Variants in R3HDM2 observed in about 807,000 individuals in gnomAD.
The protein encoded by R3HDM2 is R3H domain-containing protein 2.
A neutral mutation model predicts 124.5 loss-of-function variants in R3HDM2; 38 were observed. The observed-to-expected ratio is 0.31, with a 90% CI of 0.24 to 0.40. The LOEUF (loss-of-function observed/expected upper bound fraction) is 0.40, where lower values mean the gene tolerates loss of function less well. Ranked by LOEUF, R3HDM2 falls within the 10% of genes least tolerant of loss-of-function variation. The pLI, the probability that R3HDM2 is intolerant of heterozygous loss-of-function variation, is 1.00. For missense variants in R3HDM2, 869 were observed against 1,236.9 expected, an observed-to-expected ratio of 0.70 and a Z score of 4.46; for synonymous variants, 391 against 448.0, an observed-to-expected ratio of 0.87 and a Z score of 1.61.
At chr12:57,324,432 C>CT (rs1193785531) in intron 2 of R3HDM2, among the ~76,000 whole-genome samples, 1 of 152,204 alleles carries the variant, frequency 6.6e-6, no homozygotes, top group Non-Finnish European at 1.5e-5. Flanking sequence ...ATCCATCTGC[C>CT]TCAGCCTCCC....
intron 1 of R3HDM2, among the ~76,000 whole-genome samples, chr12:57,423,198 G>C (rs746552206): frequency 2.0e-5 from 3 of 152,012 alleles, no homozygotes; most frequent in Non-Finnish European, 2.9e-5. Flanking sequence ...AAGGCAGGTG[G>C]ATCACCTAAG....
At chr12:57,317,668 TAAAAA>T (rs562475743) in intron 2 of R3HDM2, among the ~76,000 whole-genome samples, 4 of 108,098 alleles carry the variant, frequency 3.7e-5, no homozygotes, top group African/African-American at 1.5e-4. Context: ...AGAAGATAGT[TAAAAA>T]AAAAAAAAAA....
At chr12:57,379,346 C>T (rs992568367) in intron 2 of R3HDM2, among the ~76,000 whole-genome samples, 3 of 151,902 alleles carry the variant, frequency 2.0e-5, no homozygotes, top group Non-Finnish European at 4.4e-5. Context: ...TTTGGGAGGC[C>T]GAGGCAGGCA....
chr12:57,383,791 A>G (rs1042582261), intron 2 of R3HDM2, among the ~76,000 whole-genome samples: 3 of 152,194 alleles, frequency 2.0e-5, no homozygotes, highest in African/African-American at 7.2e-5. Flanking sequence ...AATGAACAGA[A>G]TAAGAAGGTC....
chr12:57,268,713 C>G, intron 17 of R3HDM2: 1 of 708,482 alleles, frequency 1.4e-6, no homozygotes, highest in Non-Finnish European at 2.3e-6. Context: ...TGGGCATATA[C>G]TCATTCCATG....
At chr12:57,373,286 G>A (rs1001760101) in intron 2 of R3HDM2, among the ~76,000 whole-genome samples, 1 of 151,342 alleles carries the variant, frequency 6.6e-6, no homozygotes, top group African/African-American at 2.4e-5. Context: ...GGATCACGAG[G>A]TCAGGAGATT....
intron 1 of R3HDM2, chr12:57,430,506 C>CA: frequency 1.0e-6 from 1 of 983,566 alleles, no homozygotes; most frequent in Non-Finnish European, 1.2e-6. Context: ...CACCGCCGCC[C>CA]TCCGCCCCGC....
chr12:57,368,091 G>T, intron 2 of R3HDM2, among the ~76,000 whole-genome samples: 2 of 151,352 alleles, frequency 1.3e-5, no homozygotes. Context: ...ACATATGTTG[G>T]TAATCTATCT....
chr12:57,265,786 C>G (rs1377583336), intron 19 of R3HDM2, among the ~76,000 whole-genome samples: 1 of 151,788 alleles, frequency 6.6e-6, no homozygotes, highest in Non-Finnish European at 1.5e-5. Flanking sequence ...GGGTGCGTCA[C>G]CACTCTTGGC....
intron 2 of R3HDM2, among the ~76,000 whole-genome samples, chr12:57,386,155 G>GCTCGCAGCCCTCC (rs147848342): frequency 0.064 from 9,419 of 147,468 alleles, 391 homozygotes; most frequent in East Asian, 0.2. Context: ...TGCTGGCAGC[G>GCTCGCAGCCCTCC]CTCGCAGCCC....
At chr12:57,321,776 G>A (rs2056493981) in intron 2 of R3HDM2, among the ~76,000 whole-genome samples, 1 of 152,156 alleles carries the variant, frequency 6.6e-6, no homozygotes, top group Non-Finnish European at 1.5e-5. Flanking sequence ...GTCTATTTAT[G>A]TGAAGCTCAA....
At chr12:57,425,748 A>C (rs1179266139) in intron 1 of R3HDM2, among the ~76,000 whole-genome samples, 2 of 152,154 alleles carry the variant, frequency 1.3e-5, no homozygotes, top group Non-Finnish European at 2.9e-5. Context: ...TAGTGAGCTG[A>C]AATCAGGACA....
intron 1 of R3HDM2, among the ~76,000 whole-genome samples, chr12:57,401,931 C>G (rs1458278053): frequency 1.3e-5 from 2 of 151,942 alleles, no homozygotes; most frequent in African/African-American, 4.8e-5. Context: ...TTGCAGTGAG[C>G]CAAGATCGAG....
intron 2 of R3HDM2, among the ~76,000 whole-genome samples, chr12:57,384,873 G>A (rs903950511): frequency 6.6e-6 from 1 of 152,088 alleles, no homozygotes; most frequent in Admixed American, 6.6e-5. Context: ...CCCAGGCCAG[G>A]CGTGGTCGCT....
chr12:57,255,151 A>G (rs907971892), intron 23 of R3HDM2, 38 bp from the exon 24 acceptor site: 2 of 1,514,098 alleles, frequency 1.3e-6, no homozygotes, highest in East Asian at 2.3e-5. Flanking sequence ...TGTGAGAGGA[A>G]TAGGACAGGA....
At chr12:57,425,737 G>T (rs576521653) in intron 1 of R3HDM2, among the ~76,000 whole-genome samples, 5 of 152,248 alleles carry the variant, frequency 3.3e-5, no homozygotes, top group Non-Finnish European at 7.4e-5. Flanking sequence ...GGCGGAGGTG[G>T]TAGTGAGCTG....
intron 7 of R3HDM2, 175 bp downstream of exon 7, chr12:57,297,915 G>A: frequency 3.3e-6 from 2 of 609,366 alleles, no homozygotes; most frequent in Admixed American, 3.0e-5. Flanking sequence ...AAACCTCAAT[G>A]TGAGAGTATT....
At chr12:57,312,244 A>G (rs558695034) in intron 2 of R3HDM2, among the ~76,000 whole-genome samples, 2 of 152,306 alleles carry the variant, frequency 1.3e-5, no homozygotes, top group Admixed American at 6.5e-5. Context: ...AAGTCTTTCA[A>G]GAAGCAAAGT....
intron 19 of R3HDM2, among the ~76,000 whole-genome samples, chr12:57,259,740 G>A (rs2040181963): frequency 6.6e-6 from 1 of 152,130 alleles, no homozygotes; most frequent in Non-Finnish European, 1.5e-5. Flanking sequence ...TCCTATGTTG[G>A]GCACTGAGTG....
Sources: gnomAD v4.1 joint callset for allele counts (sites outside exome capture counted in the v4.1 genomes callset) on GRCh38, gnomAD v4.1.1 for gene constraint, MANE v1.5 for transcripts, NCBI Gene and HGNC (gene_info 2026-07-23, HGNC 2026-07-21) for gene names.